EPG5: variants seen among roughly 807,000 people sequenced by gnomAD.
EPG5 encodes the protein ectopic P-granules 5 autophagy tethering factor, also known as ectopic P granules protein 5 homolog.
EPG5 carries 159 observed loss-of-function variants against 302.7 expected under a neutral mutation model. The observed-to-expected ratio is 0.53, with a 90% CI of 0.46 to 0.60. The LOEUF (loss-of-function observed/expected upper bound fraction) is 0.60. Among genes scored for constraint, EPG5 ranks in the 20% least tolerant of loss-of-function variants. The pLI, the probability that EPG5 is intolerant of heterozygous loss-of-function variation, is 0.00. For missense variants in EPG5, 2,896 were observed against 3,092.4 expected (o/e 0.94, Z 1.51); for synonymous variants, 1,158 against 1,136.8 (o/e 1.02, Z -0.37).
intron 27 of EPG5, among the ~76,000 whole-genome samples, chr18:45,899,128 C>CA (rs2049546713): frequency 6.6e-6 from 1 of 151,816 alleles, no homozygotes. Flanking sequence ...AACAAACAAA[C>CA]AAAAAAAGGA....
At chr18:45,878,909 T>A (rs957485755) in intron 33 of EPG5, 104 bp downstream of exon 33, 41 of 887,820 alleles carry the variant, frequency 4.6e-5, no homozygotes, top group Middle Eastern at 2.2e-4. Context: ...TATTTCTACT[T>A]TCTCTCCTTG....
intron 40 of EPG5, 61 bp from the exon 41 acceptor site, chr18:45,858,843 A>G (rs937936186): frequency 7.9e-7 from 1 of 1,270,768 alleles, no homozygotes; most frequent in Non-Finnish European, 1.1e-6. Context: ...TGACAACTCT[A>G]GCAAATATTT....
chr18:45,955,205 G>C lies in EPG5; in HGVS notation c.197C>G (p.Ser66Cys). 6.2e-7 allele frequency: 1 copy of C among 1,614,156 alleles called. No homozygotes were observed. Among genetic ancestry groups the C allele is most frequent in the Admixed American group, 1.7e-5 (1 of 60,010 alleles). Residue 66 changes from serine (S) to cysteine (C), a missense_variant, in exon 2 of 44, where the codon TCC becomes TGC. By Grantham distance (112) the Ser-to-Cys change is moderately radical (BLOSUM62 -1). Transcript: ENST00000282041. ...TCCACTGGCATCATCCTGGAGCTGG[G>C]AATCAGTTACCACCTTCAGATGGTC... ...KGDHLKVVTD[S>C]QLQDDASGQN...
In EPG5 at chr18:45,852,361, T is replaced by C. The variant is rs2048434558; in HGVS notation, c.*106A>G. 9.9e-7 allele frequency: 1 copy of C among 1,012,980 alleles called. No individual in the cohort carries two copies. The highest frequency in any genetic ancestry group is 2.6e-5 in the East Asian group (1 of 39,198). The allele number at this position is 1,012,980 out of a possible 1,614,324, so 62.7% of individuals were successfully genotyped here. A position where few individuals can be genotyped will look rare whatever the true frequency, so the allele number is the denominator to read the frequency against. ...ACTTGCATCTCAGTCAACTACACAT[T>C]GGCCAAACTGAGCTCTACAGTGCAA... On this transcript the variant is annotated 3_prime_UTR_variant, in exon 44 of 44. Coordinates refer to ENST00000282041, the MANE Select transcript of EPG5 (RefSeq NM_020964.3).
the EPG5 span, among the ~76,000 whole-genome samples, chr18:45,800,754 A>G: frequency 3.9e-5 from 6 of 152,154 alleles, no homozygotes; most frequent in East Asian, 7.7e-4. Context: ...GGGGAATCAC[A>G]TGATGATCCT....
intron 35 of EPG5, among the ~76,000 whole-genome samples, chr18:45,875,986 G>A (rs1462896890): frequency 6.6e-6 from 1 of 151,892 alleles, no homozygotes; most frequent in African/African-American, 2.4e-5. Context: ...GAATCTGGGA[G>A]GCAGAGGCTG....
chr18:45,948,495 A>G lies in EPG5; in HGVS notation c.1571+8T>C, dbSNP rs1246759417. On this transcript the variant is annotated splice_region_variant and intron_variant, in intron 6 of 43. Coordinates refer to ENST00000282041, the MANE Select transcript of EPG5 (RefSeq NM_020964.3). ...AATCTCTACTTCACAAAGCTCTTGC[A>G]CACTTACTTGACAGGAGACATCAGC... 1 of 1,610,010 alleles carries G rather than the reference A, an allele frequency of 6.2e-7. No individual in the cohort carries two copies. Among genetic ancestry groups the G allele is most frequent in the Non-Finnish European group, 8.5e-7 (1 of 1,176,450 alleles).
rs781654020 is a variant in EPG5 at position 45,934,941 on chromosome 18, C to T, written c.2125G>A (p.Glu709Lys). 3.7e-6 allele frequency: 6 copies of T among 1,612,204 alleles called. No individual in the cohort carries two copies. Among genetic ancestry groups the T allele is most frequent in the East Asian group, 2.2e-5 (1 of 44,856 alleles). Residue 709 changes from glutamate (E) to lysine (K), a missense_variant, in exon 11 of 44, where the codon GAG becomes AAG. By Grantham distance (56) the Glu-to-Lys change is moderately conservative. Around this residue, in one of 5 missense-constraint regions of EPG5, gnomAD observed 1,390 missense variants for 1,430.0 expected, o/e 0.97. Transcript: ENST00000282041. ...KRLGIWLFMS[E>K]MPFGTLSVQM... is the part of the protein sequence containing the mutation. Reference sequence around the variant, plus strand: ...ACAGACAGAGTCCCAAAGGGCATCTCGGACATAAACAGCCAAATGCCAAGT... The same window carrying T: ...ACAGACAGAGTCCCAAAGGGCATCTTGGACATAAACAGCCAAATGCCAAGT...
At chr18:45,874,558 AAG>A (rs1184399144) in intron 35 of EPG5, among the ~76,000 whole-genome samples, 15 of 152,180 alleles carry the variant, frequency 9.9e-5, no homozygotes, top group South Asian at 2.1e-4. Flanking sequence ...GGCAGCAGGC[AAG>A]AGAGAGAATG....
At chr18:45,814,646 T>G in the EPG5 span, among the ~76,000 whole-genome samples, 1 of 152,282 alleles carries the variant, frequency 6.6e-6, no homozygotes, top group African/African-American at 2.4e-5. Context: ...TCATAAAGTG[T>G]TAGAGGTTGA....
chr18:45,916,738 C>T (rs1303631080), intron 17 of EPG5, 156 bp from the exon 18 acceptor site: 4 of 696,956 alleles, frequency 5.7e-6, no homozygotes, highest in South Asian at 4.6e-5. Flanking sequence ...AAAGTTTTCA[C>T]ATTTAACATG....
chr18:45,922,321 G>A lies in EPG5; in HGVS notation c.3098+20C>T, dbSNP rs764923937. ...ATCTGCAAGGTTCAGTAACCCTAGT[G>A]GTTCAGCCCAACACTGTACCTGTGG... is the stretch of plus-strand genomic sequence containing the variant. On this transcript the variant is annotated intron_variant, in intron 16 of 43. Transcript: ENST00000282041. 4 of 1,611,854 alleles carry A rather than the reference G, an allele frequency of 2.5e-6. No individual in the cohort carries two copies. The highest frequency in any genetic ancestry group is 3.4e-6 in the Non-Finnish European group (4 of 1,178,356).
At chr18:45,923,186 T>C (rs1366422467) in intron 15 of EPG5, 82 bp downstream of exon 15, 4 of 1,438,876 alleles carry the variant, frequency 2.8e-6, no homozygotes, top group East Asian at 2.3e-5. Flanking sequence ...TAATGGTCAA[T>C]AGTATAAGTC....
intron 21 of EPG5, 53 bp from the exon 22 acceptor site, chr18:45,912,509 G>A (rs1367743791): frequency 7.9e-6 from 12 of 1,510,434 alleles, no homozygotes; most frequent in Middle Eastern, 2.2e-4. Flanking sequence ...AAATGCAAAC[G>A]GTTAACTCTT....
chr18:45,820,228 GGACTC>G, the EPG5 span, among the ~76,000 whole-genome samples: 2 of 152,194 alleles, frequency 1.3e-5, no homozygotes, highest in Non-Finnish European at 2.9e-5. Flanking sequence ...ATGGCCTCAT[GGACTC>G]TGATAGAGAA....
At chr18:45,871,565 GT>G (rs1388321356) in intron 35 of EPG5, among the ~76,000 whole-genome samples, 2 of 152,298 alleles carry the variant, frequency 1.3e-5, no homozygotes, top group East Asian at 3.9e-4. Context: ...TTTTCTAAAT[GT>G]GGTGTATATA....
chr18:45,953,254 C>A (rs11082501), intron 2 of EPG5: 85,652 of 971,488 alleles, frequency 0.088, 6,626 homozygotes, highest in African/African-American at 0.33. Flanking sequence ...GATGATCTTA[C>A]CTTCTATTTT....
chr18:45,842,182 C>T, the EPG5 span: 1 of 1,614,154 alleles, frequency 6.2e-7, no homozygotes. Context: ...CATGTGCTCA[C>T]CGTGAGGAGT....
At chr18:45,856,254 C>G (rs911700515) in intron 42 of EPG5, among the ~76,000 whole-genome samples, 7 of 152,122 alleles carry the variant, frequency 4.6e-5, no homozygotes, top group African/African-American at 1.7e-4. Flanking sequence ...CATAAATGAA[C>G]CTTGAAAACT....
Sources: allele counts gnomAD v4.1 joint callset (sites outside exome capture counted in the v4.1 genomes callset), GRCh38; gene constraint gnomAD v4.1.1; regional missense constraint gnomAD v4.1.1; transcripts MANE v1.5; gene names NCBI Gene and HGNC (gene_info 2026-07-23, HGNC 2026-07-21).